Variants in IDH3G observed in about 807,000 individuals in gnomAD.
IDH3G encodes the protein isocitrate dehydrogenase (NAD(+)) 3 non-catalytic subunit gamma.
In IDH3G, 9 loss-of-function variants were observed where a neutral mutation model predicts 26.9. That is an observed-to-expected ratio of 0.34 (90% confidence interval 0.20 to 0.58). IDH3G has a LOEUF of 0.58. IDH3G is among the 20% of genes least tolerant of loss of function. The pLI, the probability that IDH3G is intolerant of heterozygous loss-of-function variation, is 0.85. For synonymous variants in IDH3G, 181 were observed against 160.0 expected, an observed-to-expected ratio of 1.13 and a Z score of -0.99; for missense variants, 250 against 372.8, an observed-to-expected ratio of 0.67 and a Z score of 2.71.
chrX:153,786,092 T>C lies in IDH3G; in HGVS notation c.1081-119A>G, dbSNP rs1248371630. On this transcript the variant is annotated intron_variant, in intron 12 of 12. Transcript: ENST00000217901. ...GTGGCACCAGCTAAGGGCCAGAAGA[T>C]GGGGCCAGATCCAGTACCATCCTCC... is the stretch of plus-strand genomic sequence containing the variant. 5 of 1,197,146 alleles carry C rather than the reference T, an allele frequency of 4.2e-6. No homozygotes were observed. The African/African-American group carries it at 7.0e-5, about 17-fold the overall frequency.
intron 5 of IDH3G, chrX:153,789,026 A>G (rs989523153): frequency 1.7e-4 from 54 of 322,476 alleles, no homozygotes; most frequent in African/African-American, 1.4e-3. Flanking sequence ...ACCCCAGCAG[A>G]GAGGACTGTC....
In IDH3G at chrX:153,789,993, T is replaced by C. The variant is rs1204055109; in HGVS notation, c.234-169A>G. 6.3e-6 allele frequency: 3 copies of C among 479,326 alleles called. No individual in the cohort carries two copies. In the East Asian group the frequency reaches 1.1e-4, roughly 18 times the overall value. The allele number at this position is 479,326 out of a possible 1,213,427, so 39.5% of individuals were successfully genotyped here. ...ATGGGGACACGCTTGAACTCCACAA[T>C]GCACACTGTGGCAGGACTGGTGCCA... On this transcript the variant is annotated intron_variant, in intron 4 of 12. Coordinates refer to ENST00000217901, the MANE Select transcript of IDH3G (RefSeq NM_004135.4).
At chrX:153,789,174 C>T (rs1158441090) in intron 5 of IDH3G, 6 of 341,273 alleles carry the variant, frequency 1.8e-5, no homozygotes, top group African/African-American at 1.6e-4. Flanking sequence ...TCTCCAAGCA[C>T]GAGGGTCCTC....
chrX:153,786,047 G>C (rs782081730), intron 12 of IDH3G, 74 bp from the exon 13 acceptor site: 1 of 1,207,449 alleles, frequency 8.3e-7, no homozygotes. Flanking sequence ...GTGCAGGACT[G>C]GGATTGCCAC....
intron 5 of IDH3G, among the ~76,000 whole-genome samples, chrX:153,788,724 G>A (rs782506541): frequency 5.5e-4 from 62 of 113,302 alleles, no homozygotes; most frequent in African/African-American, 1.9e-3. Context: ...CACTCACAGC[G>A]CGGGGGTCCC....
chrX:153,786,524 T>C, intron 10 of IDH3G, 75 bp from the exon 11 acceptor site: 1 of 852,171 alleles, frequency 1.2e-6, no homozygotes, highest in Non-Finnish European at 1.7e-6. Context: ...CTGTGACACG[T>C]CCAGAAGAAG....
At chrX:153,791,621 T>A (rs2092109919) in intron 1 of IDH3G, among the ~76,000 whole-genome samples, 1 of 112,695 alleles carries the variant, frequency 8.9e-6, no homozygotes, top group African/African-American at 3.2e-5. Flanking sequence ...AAGCCCCACC[T>A]AGAACACACC....
chrX:153,794,108 A>C, intron 1 of IDH3G, 138 bp downstream of exon 1: 1 of 673,435 alleles, frequency 1.5e-6, no homozygotes, highest in South Asian at 3.1e-5. Flanking sequence ...GGAGGCGGCC[A>C]ATCAACCCCG....
In IDH3G at chrX:153,794,322, G is replaced by A. The variant is rs1403746390; in HGVS notation, c.5C>T (p.Ala2Val). ...GCCGGCGACGGTCGCTACCTTCAGC[G>A]CCATGACGGAAAGTGAGAGCCTCCG... is the stretch of plus-strand genomic sequence containing the variant. M[A>V]LKVATVAGSA... The change falls in exon 1 of 13, where the codon GCG becomes GTG. Residue 2 changes from alanine (A) to valine (V), a missense_variant. Transcript: ENST00000217901. 6.6e-5 allele frequency: 79 copies of A among 1,194,513 alleles called. No homozygotes were observed. Among genetic ancestry groups the A allele is most frequent in the Non-Finnish European group, 8.4e-5 (75 of 888,242 alleles).
Position 153,794,338 on chromosome X carries a change from A to G in IDH3G, c.-12T>C. The G allele has an allele frequency of 1.7e-6, 2 of 1,190,581 alleles. No individual in the cohort carries two copies. The highest frequency in any genetic ancestry group is 1.7e-5 in the African/African-American group (1 of 57,642). ...ACCTTCAGCGCCATGACGGAAAGTG[A>G]GAGCCTCCGCACGTCCCGACACGCA... On this transcript the variant is annotated 5_prime_UTR_variant, in exon 1 of 13. Transcript: ENST00000217901.
intron 9 of IDH3G, 29 bp from the exon 10 acceptor site, chrX:153,786,976 G>A: frequency 1.7e-6 from 2 of 1,203,785 alleles, no homozygotes; most frequent in South Asian, 1.8e-5. Flanking sequence ...GCTGGCTGAG[G>A]AGCAGATTCG....
At chrX:153,792,049 C>G (rs184287105) in intron 1 of IDH3G, among the ~76,000 whole-genome samples, 3 of 112,232 alleles carry the variant, frequency 2.7e-5, no homozygotes, top group Non-Finnish European at 5.6e-5. Context: ...CTTGTAAGCA[C>G]GCAGAAAGCG....
In IDH3G at chrX:153,791,937, C is replaced by T. The variant is rs531846509; in HGVS notation, c.82-1086G>A. ...CTGGATCTGCAAGCACAGGCACGGT[C>T]GGGACTTTTCTGTCTTCTCTCTAGC... On this transcript the variant is annotated intron_variant, in intron 1 of 12. Transcript: ENST00000217901. 8.1e-4 allele frequency among the ~76,000 whole-genome samples: 91 copies of T among 112,348 alleles called. No homozygotes were observed. In the South Asian group the frequency reaches 0.032, roughly 40 times the overall value.
rs1452226429 is a variant in IDH3G, at chrX:153,786,878, C to T, written c.847G>A (p.Val283Ile). 1 of 1,211,279 alleles carries T rather than the reference C, an allele frequency of 8.3e-7. No individual in the cohort carries two copies. The highest frequency in any genetic ancestry group is 1.1e-6 in the Non-Finnish European group (1 of 895,135). Residue 283 changes from valine (V) to isoleucine (I), a missense_variant, in exon 10 of 13, where the codon GTC becomes ATC. Val to Ile is a conservative substitution (Grantham distance 29). Transcript: ENST00000217901. ...GGGCCCCCGACCAGTCCCGCGCAGACATTGTTGACGATGTTGCCATAGAGA... is the reference window on the plus strand; with the variant it reads ...GGGCCCCCGACCAGTCCCGCGCAGATATTGTTGACGATGTTGCCATAGAGA... ...PNLYGNIVNNVCAGLVGGPGL... is the reference protein window; with the variant it reads ...PNLYGNIVNNICAGLVGGPGL...
chrX:153,791,825 G>A (rs1273975463), intron 1 of IDH3G, among the ~76,000 whole-genome samples: 5 of 112,334 alleles, frequency 4.5e-5, no homozygotes, highest in South Asian at 3.7e-4. Context: ...GTCCCTGGCC[G>A]GCACTCATCA....
chrX:153,790,497 T>C (rs1365966748), intron 3 of IDH3G, 67 bp downstream of exon 3: 3 of 858,684 alleles, frequency 3.5e-6, no homozygotes, highest in South Asian at 4.1e-5. Context: ...CACCCCCACC[T>C]GGAATTTAGT....
rs782216960 is a variant in IDH3G, at chrX:153,790,913, GA to G, written c.82-63del. ...CTAACCCAGAAAGCCAAGTTGGAAG[GA>G]AAAACGGACCGTCCCCACTGTGCCC... is the stretch of plus-strand genomic sequence containing the variant. On this transcript the variant is annotated intron_variant, in intron 1 of 12. Transcript: ENST00000217901. 1.0e-5 allele frequency: 11 copies of G among 1,078,320 alleles called. No individual in the cohort carries two copies. In the South Asian group the frequency reaches 1.9e-4, roughly 18 times the overall value. The allele number at this position is 1,078,320 out of a possible 1,213,427, so 88.9% of individuals were successfully genotyped here. A position where few individuals can be genotyped will look rare whatever the true frequency, so the allele number is the denominator to read the frequency against.
chrX:153,787,214 G>A (rs1446686832), intron 8 of IDH3G, 61 bp from the exon 9 acceptor site: 8 of 938,530 alleles, frequency 8.5e-6, no homozygotes, highest in Admixed American at 4.8e-5. Flanking sequence ...CCAGAGGGAC[G>A]GGGCGTGCAG....
chrX:153,785,968 G>A lies in IDH3G; in HGVS notation c.1086C>T (p.His362=), dbSNP rs2092085448. ...TGCCCTGGCCCCCGATGTCCGGAGT[G>A]TGCATCTGTAGGACACAGGCAGGCT... The part of the protein sequence containing the change: ...VLASMDNENM[H]TPDIGGQGTT... The change falls in exon 13 of 13, where the codon CAC becomes CAT. Residue 362 remains histidine (H), a synonymous_variant. Transcript: ENST00000217901. 3.3e-6 allele frequency: 4 copies of A among 1,211,139 alleles called. No homozygotes were observed. The highest frequency in any genetic ancestry group is 1.8e-5 in the South Asian group (1 of 57,047).
Sources: gnomAD v4.1 joint callset for allele counts (sites outside exome capture counted in the v4.1 genomes callset) on GRCh38, gnomAD v4.1.1 for gene constraint, MANE v1.5 for transcripts, NCBI Gene and HGNC (gene_info 2026-07-23, HGNC 2026-07-21) for gene names.